The following CLSTN2 variants were observed in gnomAD, a reference collection of about 807,000 sequenced individuals.
CLSTN2 encodes the protein calsyntenin-2.
In CLSTN2, 48 loss-of-function variants were observed where a neutral mutation model predicts 101.2. The ratio of observed to expected loss-of-function variants is 0.47; its 90% confidence interval spans 0.38 to 0.60. The LOEUF (loss-of-function observed/expected upper bound fraction) is 0.60. CLSTN2 is among the 20% of genes least tolerant of loss of function. CLSTN2 has a pLI of 0.00. For synonymous variants in CLSTN2, 481 were observed against 463.6 expected (o/e 1.04, Z -0.48); for missense variants, 1,160 against 1,238.2 (o/e 0.94, Z 0.95).
At chr3:140,473,736 T>A (rs1338658973) in intron 8 of CLSTN2, among the ~76,000 whole-genome samples, 2 of 85,070 alleles carry the variant, frequency 2.4e-5, no homozygotes, top group South Asian at 3.5e-4. Context: ...TCTATGGGGG[T>A]TTTTTGTGTT....
chr3:140,390,605 G>C (rs1035817371), intron 2 of CLSTN2, among the ~76,000 whole-genome samples: 2 of 152,156 alleles, frequency 1.3e-5, no homozygotes, highest in Admixed American at 6.6e-5. Flanking sequence ...TATCAGTTGG[G>C]ACAAAATGGT....
intron 1 of CLSTN2, among the ~76,000 whole-genome samples, chr3:139,989,158 G>C (rs968973902): frequency 2.0e-5 from 3 of 152,146 alleles, no homozygotes; most frequent in African/African-American, 7.2e-5. Flanking sequence ...GATTCTGCTG[G>C]GGTTTCTCCT....
intron 6 of CLSTN2, among the ~76,000 whole-genome samples, chr3:140,449,149 A>G (rs1377029281): frequency 2.0e-5 from 3 of 152,218 alleles, no homozygotes; most frequent in Non-Finnish European, 4.4e-5. Context: ...CGCCAGCTAT[A>G]TAATTTGTGG....
intron 2 of CLSTN2, among the ~76,000 whole-genome samples, chr3:140,382,564 C>T (rs6793803): frequency 0.29 from 43,581 of 152,070 alleles, 6,970 homozygotes; most frequent in East Asian, 0.68. Flanking sequence ...GGTCTGTGGG[C>T]TGTGCTCTAC....
At chr3:140,504,048 C>G (rs1426647231) in intron 8 of CLSTN2, among the ~76,000 whole-genome samples, 1 of 152,188 alleles carries the variant, frequency 6.6e-6, no homozygotes, top group Non-Finnish European at 1.5e-5. Flanking sequence ...TCAATGCCCT[C>G]TAAAATAGTC....
chr3:140,262,321 G>A (rs1459716804), intron 2 of CLSTN2, among the ~76,000 whole-genome samples: 2 of 152,228 alleles, frequency 1.3e-5, no homozygotes, highest in Admixed American at 6.5e-5. Flanking sequence ...TAGGATGCCA[G>A]TCAGCATGGC....
rs538361471 is a variant in CLSTN2 at position 140,149,558 on chromosome 3, C to T, written c.110-26393C>T. Among the ~76,000 whole-genome samples, 141 of 152,166 alleles carry T rather than the reference C, an allele frequency of 9.3e-4. 1 individual carries two copies. Among genetic ancestry groups the T allele is most frequent in the African/African-American group, 3.2e-3 (133 of 41,522 alleles). On this transcript the variant is annotated intron_variant, in intron 1 of 16. Coordinates refer to ENST00000458420, the MANE Select transcript of CLSTN2 (RefSeq NM_022131.3). ...GCAACCTCTGCCACCTGGGTTCAAG[C>T]GATTCTCCTGCCTCAGCCTCCTGAG...
At chr3:140,215,592 A>T (rs777549718) in intron 2 of CLSTN2, among the ~76,000 whole-genome samples, 10 of 152,220 alleles carry the variant, frequency 6.6e-5, no homozygotes, top group Non-Finnish European at 1.5e-4. Flanking sequence ...TTATTTAAGA[A>T]TTTAGCACAA....
chr3:140,190,895 T>A (rs1419522381), intron 2 of CLSTN2, among the ~76,000 whole-genome samples: 1 of 152,102 alleles, frequency 6.6e-6, no homozygotes, highest in Non-Finnish European at 1.5e-5. Flanking sequence ...TTTCTGATCC[T>A]TTGGGTTTTA....
chr3:140,436,631 G>A (rs2088690425), intron 5 of CLSTN2, among the ~76,000 whole-genome samples: 1 of 152,192 alleles, frequency 6.6e-6, no homozygotes, highest in Non-Finnish European at 1.5e-5. Context: ...GGTGAAGAGG[G>A]CTAGTCCTGG....
intron 2 of CLSTN2, among the ~76,000 whole-genome samples, chr3:140,271,818 C>G (rs2086744648): frequency 6.6e-6 from 1 of 152,222 alleles, no homozygotes; most frequent in Admixed American, 6.5e-5. Flanking sequence ...ACAAGGAAAG[C>G]TCGTGAAAGT....
chr3:140,264,407 TA>T (rs2086678180), intron 2 of CLSTN2, among the ~76,000 whole-genome samples: 1 of 45,856 alleles, frequency 2.2e-5, no homozygotes, highest in Non-Finnish European at 4.9e-5. Context: ...TATATATATA[TA>T]TATATATATA....
chr3:140,389,878 G>A (rs969378733), intron 2 of CLSTN2, among the ~76,000 whole-genome samples: 2 of 152,042 alleles, frequency 1.3e-5, no homozygotes, highest in Non-Finnish European at 2.9e-5. Context: ...TCTAATGATC[G>A]ATGATGTTGT....
rs34743059 is a variant in CLSTN2, at chr3:139,967,987, C to CTG, written c.109+32519_109+32520dup. 1.0e-2 allele frequency among the ~76,000 whole-genome samples: 1,501 copies of CTG among 150,572 alleles called. 9 individuals carry two copies. Among genetic ancestry groups the CTG allele is most frequent in the Middle Eastern group, 0.038 (11 of 288 alleles). On this transcript the variant is annotated intron_variant, in intron 1 of 16. Coordinates refer to ENST00000458420, the MANE Select transcript of CLSTN2 (RefSeq NM_022131.3). ...CTCATACAGACACATATATGTGTGT[C>CTG]TGTGTGTGTGTGTGTGCATGTGTGT...
chr3:139,972,933 C>T (rs866730037), intron 1 of CLSTN2, among the ~76,000 whole-genome samples: 4 of 152,206 alleles, frequency 2.6e-5, no homozygotes, highest in Admixed American at 1.3e-4. Context: ...ATTTTTTCTG[C>T]ATATGTGCCT....
chr3:140,204,902 T>C (rs535583130), intron 2 of CLSTN2, among the ~76,000 whole-genome samples: 1 of 152,294 alleles, frequency 6.6e-6, no homozygotes, highest in South Asian at 2.1e-4. Context: ...TGGGGAGAGA[T>C]AGTCAATCCC....
At chr3:140,557,237 C>T (rs932063968) in intron 11 of CLSTN2, among the ~76,000 whole-genome samples, 10 of 152,216 alleles carry the variant, frequency 6.6e-5, no homozygotes, top group South Asian at 4.2e-4. Flanking sequence ...AGGGGGATCC[C>T]AGAAAATTCC....
At chr3:140,026,127 A>G (rs1338643172) in intron 1 of CLSTN2, among the ~76,000 whole-genome samples, 1 of 152,152 alleles carries the variant, frequency 6.6e-6, no homozygotes, top group Non-Finnish European at 1.5e-5. Flanking sequence ...GTTCTGTTTG[A>G]TGAATTCAAA....
intron 1 of CLSTN2, among the ~76,000 whole-genome samples, chr3:140,001,487 T>C (rs1365112407): frequency 6.6e-6 from 1 of 152,090 alleles, no homozygotes; most frequent in Non-Finnish European, 1.5e-5. Flanking sequence ...AAAAAACTTT[T>C]GTGAGTACAT....
Sources: allele counts gnomAD v4.1 joint callset (sites outside exome capture counted in the v4.1 genomes callset), GRCh38; gene constraint gnomAD v4.1.1; transcripts MANE v1.5; gene names NCBI Gene and HGNC (gene_info 2026-07-23, HGNC 2026-07-21).